ZNF250: variants seen among roughly 807,000 people sequenced by gnomAD.
ZNF250 encodes the protein zinc finger protein 250.
In ZNF250, 13 loss-of-function variants were observed where a neutral mutation model predicts 37.1. That is an observed-to-expected ratio of 0.35 (90% CI 0.23 to 0.56). The LOEUF (loss-of-function observed/expected upper bound fraction) is 0.56. Among genes scored for constraint, ZNF250 ranks in the 20% least tolerant of loss-of-function variants. The pLI, the probability that ZNF250 is intolerant of heterozygous loss-of-function variation, is 0.87. For synonymous variants in ZNF250, 251 were observed against 265.6 expected, an observed-to-expected ratio of 0.94 and a Z score of 0.54; for missense variants, 474 against 697.9, an observed-to-expected ratio of 0.68 and a Z score of 3.61.
chr8:144,893,269 G>A (rs895585194), intron 1 of ZNF250, among the ~76,000 whole-genome samples: 6 of 152,196 alleles, frequency 3.9e-5, no homozygotes, highest in Non-Finnish European at 8.8e-5. Context: ...CTCAAGGGCA[G>A]AAGTGCCTTC....
chr8:144,889,634 A>AC lies in ZNF250; in HGVS notation c.229dup (p.Val77GlyfsTer8), dbSNP rs1659159984. ...CTTCTTAGCCCCCTTCCTGTCCAGG[A>AC]CCCAGGGATCTTCCCCTCGCTCCAG... On this transcript the variant is annotated frameshift_variant, in exon 4 of 6. Coordinates refer to ENST00000417550, the MANE Select transcript of ZNF250 (RefSeq NM_001109689.4). LOFTEE classifies it high-confidence loss of function. 6.2e-7 allele frequency: 1 copy of AC among 1,613,788 alleles called. No homozygotes were observed. The highest frequency in any genetic ancestry group is 1.7e-5 in the Admixed American group (1 of 59,992).
At chr8:144,883,498 CCTGG>C (rs1355062018) in intron 5 of ZNF250, among the ~76,000 whole-genome samples, 1 of 152,058 alleles carries the variant, frequency 6.6e-6, no homozygotes, top group African/African-American at 2.4e-5. Flanking sequence ...CACCATCATG[CCTGG>C]CTAATTTTTG....
At position 144,890,071 on chromosome 8, in the gene ZNF250, G is replaced by A. The variant is rs750484081; in HGVS notation, c.43-12C>T. ...AAGGTCAGCTTGGCCTGGAACGACAGGGGCTGCTGCAGGTAAAACCAAATC... is the reference window on the plus strand; with the variant it reads ...AAGGTCAGCTTGGCCTGGAACGACAAGGGCTGCTGCAGGTAAAACCAAATC... On this transcript the variant is annotated splice_polypyrimidine_tract_variant and intron_variant, in intron 2 of 5. Coordinates refer to ENST00000417550, the MANE Select transcript of ZNF250 (RefSeq NM_001109689.4). This position sits in a 1 kb window ranked among gnomAD's most constrained non-coding sequence, Gnocchi z 5.1. The A allele has an allele frequency of 1.9e-6, 3 of 1,610,590 alleles. No individual in the cohort carries two copies. In the Admixed American group the frequency reaches 5.1e-5, roughly 27 times the overall value.
At position 144,901,430 on chromosome 8, in the gene ZNF250, C is replaced by A. The variant is rs1341837955; in HGVS notation, c.-86G>T. ...AGCCGCAGCCTCACGCGCGAAGGAA[C>A]GGCATCCCGCAGCACCTTCAGACAA... On this transcript the variant is annotated 5_prime_UTR_variant, in exon 1 of 6. Coordinates refer to ENST00000417550, the MANE Select transcript of ZNF250 (RefSeq NM_001109689.4). This position sits in a 1 kb window ranked among gnomAD's most constrained non-coding sequence, Gnocchi z 5.4. 6.6e-6 allele frequency: 1 copy of A among 152,452 alleles called. No homozygotes were observed. The highest frequency in any genetic ancestry group is 1.9e-4 in the East Asian group (1 of 5,172). 9.4% of individuals were successfully genotyped at this position (152,452 alleles called of 1,614,324 possible).
rs752465200 is a variant in ZNF250, at chr8:144,896,347, A to AAAAT, written c.-55+5048_-55+5051dup. Among the ~76,000 whole-genome samples the AAAAT allele has an allele frequency of 3.2e-3, 470 of 148,356 alleles. 1 individual carries two copies. Among genetic ancestry groups the AAAAT allele is most frequent in the Non-Finnish European group, 5.9e-3 (394 of 67,284 alleles). On this transcript the variant is annotated intron_variant, in intron 1 of 5. Transcript: ENST00000417550. ...GGGCAACAGAATGAATCCCTGTCTC[A>AAAAT]AAATAAATAAATAAATAAATAAAAA...
At position 144,877,647 on chromosome 8, in the gene ZNF250, C is replaced by T. The variant is rs544224479; in HGVS notation, c.*3868G>A. 1 of 152,202 alleles carries T rather than the reference C, an allele frequency of 6.6e-6. No homozygotes were observed. Among genetic ancestry groups the T allele is most frequent in the Non-Finnish European group, 1.5e-5 (1 of 68,024 alleles). The allele number at this position is 152,202 out of a possible 1,614,324, so 9.4% of individuals were successfully genotyped here. On this transcript the variant is annotated 3_prime_UTR_variant, in exon 6 of 6. Transcript: ENST00000417550. Reference sequence around the variant, plus strand: ...TGGGAATCCTCCTCAGAAAGAAGGGCATTGAAGCCCACTTCCTGGCTCCGT... The same window carrying T: ...TGGGAATCCTCCTCAGAAAGAAGGGTATTGAAGCCCACTTCCTGGCTCCGT...
chr8:144,883,696 C>T (rs1831666826), intron 5 of ZNF250, among the ~76,000 whole-genome samples: 1 of 151,792 alleles, frequency 6.6e-6, no homozygotes, highest in Admixed American at 6.6e-5. Flanking sequence ...GAGGGAAGGA[C>T]AAGACTGAAG....
At chr8:144,886,796 C>A in intron 5 of ZNF250, 44 bp downstream of exon 5, 1 of 1,572,350 alleles carries the variant, frequency 6.4e-7, no homozygotes, top group Non-Finnish European at 8.7e-7. Flanking sequence ...GTGTTAACAC[C>A]TTCAGAGATT....
chr8:144,887,841 T>C (rs990667945), intron 4 of ZNF250, among the ~76,000 whole-genome samples: 3 of 152,266 alleles, frequency 2.0e-5, no homozygotes, highest in Non-Finnish European at 2.9e-5. Context: ...AAGGCTGGCA[T>C]GTACCTTGTT....
At chr8:144,894,466 A>C (rs960609133) in intron 1 of ZNF250, among the ~76,000 whole-genome samples, 5 of 151,714 alleles carry the variant, frequency 3.3e-5, no homozygotes, top group Non-Finnish European at 7.4e-5. Context: ...CTCCCCATCC[A>C]ACTCTTAGAG....
rs185238304 is a variant in ZNF250, at chr8:144,883,927, T to C, written c.347-1091A>G. On this transcript the variant is annotated intron_variant, in intron 5 of 5. Coordinates refer to ENST00000417550, the MANE Select transcript of ZNF250 (RefSeq NM_001109689.4). ...GGAGTCTCTGTCACCCAAGCTGGAG[T>C]ACAGTGGCTACTATCATAGCCCACT... 1.2e-4 allele frequency among the ~76,000 whole-genome samples: 18 copies of C among 151,342 alleles called. No individual in the cohort carries two copies. The East Asian group carries it at 3.6e-3, about 30-fold the overall frequency.
At chr8:144,896,450 C>G (rs1022244788) in intron 1 of ZNF250, among the ~76,000 whole-genome samples, 3 of 152,116 alleles carry the variant, frequency 2.0e-5, no homozygotes, top group Non-Finnish European at 2.9e-5. Context: ...TACACTATGG[C>G]AGATAAAGGT....
At chr8:144,888,351 CT>C (rs1832044308) in intron 4 of ZNF250, among the ~76,000 whole-genome samples, 2 of 152,052 alleles carry the variant, frequency 1.3e-5, no homozygotes, top group African/African-American at 4.8e-5. Flanking sequence ...AATACCAGCA[CT>C]TTGGGAGGCT....
At chr8:144,899,848 A>G (rs1246386839) in intron 1 of ZNF250, among the ~76,000 whole-genome samples, 1 of 152,248 alleles carries the variant, frequency 6.6e-6, no homozygotes, top group African/African-American at 2.4e-5. Context: ...CGTATCCAAC[A>G]TTTTACAAGT....
chr8:144,895,049 C>T (rs1832619144), intron 1 of ZNF250: 1 of 152,182 alleles, frequency 6.6e-6, no homozygotes, highest in Non-Finnish European at 1.5e-5. Flanking sequence ...ACACTTTAAA[C>T]TGGCAGGCAT....
intron 1 of ZNF250, among the ~76,000 whole-genome samples, chr8:144,894,589 CTT>C (rs370237954): frequency 0.027 from 3,853 of 141,732 alleles, 212 homozygotes; most frequent in East Asian, 0.22. Flanking sequence ...AGTGGTCGAC[CTT>C]TTTTTTTTTT....
Position 144,882,963 on chromosome 8 carries a change from G to A in ZNF250, c.347-127C>T, listed in dbSNP as rs543100873. On this transcript the variant is annotated intron_variant, in intron 5 of 5. Coordinates refer to ENST00000417550, the MANE Select transcript of ZNF250 (RefSeq NM_001109689.4). This position sits in a 1 kb window ranked among gnomAD's most constrained non-coding sequence, Gnocchi z 5.5. ...AATGCACACGTTGGTGTGAGCTACAGAAGAACAGAACCACCATAACTGTGT... is the reference window on the plus strand; with the variant it reads ...AATGCACACGTTGGTGTGAGCTACAAAAGAACAGAACCACCATAACTGTGT... The A allele has an allele frequency of 9.5e-5, 96 of 1,008,784 alleles. No homozygotes were observed. The African/African-American group carries it at 1.2e-3, about 13-fold the overall frequency. The allele number at this position is 1,008,784 out of a possible 1,614,324, so 62.5% of individuals were successfully genotyped here.
At chr8:144,887,029 T>C in intron 4 of ZNF250, 127 bp from the exon 5 acceptor site, 4 of 742,492 alleles carry the variant, frequency 5.4e-6, no homozygotes, top group Non-Finnish European at 7.1e-6. Flanking sequence ...AGTGGATCAC[T>C]TGAGGTCAGA....
rs1025265773 is a variant in ZNF250, at chr8:144,889,563, C to T, written c.283+18G>A. On this transcript the variant is annotated intron_variant, in intron 4 of 5. Coordinates refer to ENST00000417550, the MANE Select transcript of ZNF250 (RefSeq NM_001109689.4). ...TGTTTAGCCCTCAGTGAGGGAGGGG[C>T]CAGCTCTCCTCACTCACCTGAGTAG... 53 of 1,592,160 alleles carry T rather than the reference C, an allele frequency of 3.3e-5. No homozygotes were observed. Among genetic ancestry groups the T allele is most frequent in the Non-Finnish European group, 4.0e-5 (47 of 1,160,882 alleles).
Sources: allele counts gnomAD v4.1 joint callset (sites outside exome capture counted in the v4.1 genomes callset), GRCh38; gene constraint gnomAD v4.1.1; non-coding constraint Gnocchi (gnomAD v3.1); transcripts MANE v1.5; gene names NCBI Gene and HGNC (gene_info 2026-07-23, HGNC 2026-07-21).